Variants in KLHL13 observed in about 807,000 individuals in gnomAD.
The protein encoded by KLHL13 is kelch-like protein 13.
KLHL13 carries 10 observed loss-of-function variants against 37.1 expected under a neutral mutation model. The ratio of observed to expected loss-of-function variants is 0.27; its 90% CI spans 0.17 to 0.46. The LOEUF (loss-of-function observed/expected upper bound fraction) is 0.46. Among genes scored for constraint, KLHL13 ranks in the 20% least tolerant of loss-of-function variants. The pLI, the probability that KLHL13 is intolerant of heterozygous loss-of-function variation, is 1.00. For missense variants in KLHL13, 360 were observed against 509.3 expected, an observed-to-expected ratio of 0.71 and a Z score of 2.82; for synonymous variants, 163 against 181.2, an observed-to-expected ratio of 0.90 and a Z score of 0.81.
At chrX:117,940,303 A>C (rs995437069) in intron 2 of KLHL13, among the ~76,000 whole-genome samples, 4 of 110,883 alleles carry the variant, frequency 3.6e-5, no homozygotes, top group Non-Finnish European at 7.6e-5. Flanking sequence ...TTGTCTATAT[A>C]TCTGTTTTGG....
At chrX:118,046,437 A>C (rs1411841176) in intron 1 of KLHL13, among the ~76,000 whole-genome samples, 1 of 112,191 alleles carries the variant, frequency 8.9e-6, no homozygotes, top group Admixed American at 9.5e-5. Context: ...AATGAGTACA[A>C]AACTACAGTT....
chrX:118,085,678 ATAT>A (rs1196161483), intron 1 of KLHL13, among the ~76,000 whole-genome samples: 2 of 110,260 alleles, frequency 1.8e-5, no homozygotes, highest in African/African-American at 3.3e-5. Flanking sequence ...CAGTGAGAAC[ATAT>A]TATATTTGCT....
At chrX:117,905,538 C>G (rs1478141063) in intron 5 of KLHL13, among the ~76,000 whole-genome samples, 1 of 111,376 alleles carries the variant, frequency 9.0e-6, no homozygotes, top group Non-Finnish European at 1.9e-5. Context: ...CACACACAGT[C>G]TTTTTTTGAT....
At chrX:117,945,619 G>T (rs764350773) in intron 1 of KLHL13, 44 bp from the exon 3 acceptor site, 5 of 1,084,870 alleles carry the variant, frequency 4.6e-6, no homozygotes, top group Non-Finnish European at 5.0e-6. Flanking sequence ...ATTAAAACTT[G>T]TACAATTTAC....
intron 1 of KLHL13, among the ~76,000 whole-genome samples, chrX:118,038,088 T>C (rs764133416): frequency 1.8e-5 from 2 of 112,429 alleles, no homozygotes; most frequent in Admixed American, 1.9e-4. Context: ...TTATGTACCA[T>C]AGGACACACC....
At chrX:118,061,095 G>C (rs1325170199) in intron 1 of KLHL13, among the ~76,000 whole-genome samples, 5 of 111,661 alleles carry the variant, frequency 4.5e-5, no homozygotes, top group Non-Finnish European at 7.5e-5. Flanking sequence ...ATCCACAACA[G>C]TCACACTGAA....
At chrX:118,042,537 A>G (rs192413679) in intron 1 of KLHL13, among the ~76,000 whole-genome samples, 1 of 112,067 alleles carries the variant, frequency 8.9e-6, no homozygotes, top group African/African-American at 3.2e-5. Context: ...ATAACTAGAA[A>G]TCAATAACAA....
intron 1 of KLHL13, among the ~76,000 whole-genome samples, chrX:118,037,516 T>C (rs1311619976): frequency 9.6e-6 from 1 of 104,252 alleles, no homozygotes; most frequent in Admixed American, 1.1e-4. Flanking sequence ...ACACCGCTTA[T>C]TCTCACTCAT....
At chrX:117,944,162 T>A (rs946702679) in intron 2 of KLHL13, among the ~76,000 whole-genome samples, 3 of 110,774 alleles carry the variant, frequency 2.7e-5, no homozygotes, top group Non-Finnish European at 5.7e-5. Flanking sequence ...GGGGGCTCAG[T>A]TGGAAATGCA....
intron 1 of KLHL13, among the ~76,000 whole-genome samples, chrX:118,055,671 A>C (rs2054677088): frequency 8.9e-6 from 1 of 111,919 alleles, no homozygotes; most frequent in South Asian, 3.7e-4. Context: ...AAATCCCAGC[A>C]ACTCAGGAGG....
At chrX:118,076,708 T>C (rs140715626) in intron 1 of KLHL13, among the ~76,000 whole-genome samples, 2,696 of 111,355 alleles carry the variant, frequency 0.024, 79 homozygotes, top group African/African-American at 0.083. Context: ...AAGGCCTTAA[T>C]AGAAAAATGA....
At chrX:118,103,013 A>G (rs2055307438) in intron 1 of KLHL13, among the ~76,000 whole-genome samples, 2 of 112,231 alleles carry the variant, frequency 1.8e-5, no homozygotes, top group African/African-American at 6.5e-5. Context: ...CTTGTCTTAA[A>G]TGAACAGGTT....
At chrX:118,072,325 C>T (rs1294282060) in intron 1 of KLHL13, among the ~76,000 whole-genome samples, 2 of 112,950 alleles carry the variant, frequency 1.8e-5, no homozygotes, top group African/African-American at 3.2e-5. Context: ...ATACAAAAAT[C>T]AATTCAAGAT....
At position 118,032,419 on chromosome X, in the gene KLHL13, G is replaced by A. The variant is rs769892652; in HGVS notation, c.-56+84089C>T. ...GAGAACGGGCAGACTGCCTCTTCAA[G>A]TGGGTCCCTGACCCCTGACCCCCAA... is the stretch of plus-strand genomic sequence containing the variant. On this transcript the variant is annotated intron_variant, in intron 1 of 6. Transcript: ENST00000371882. Among the ~76,000 whole-genome samples, 4 of 112,015 alleles carry A rather than the reference G, an allele frequency of 3.6e-5. No individual in the cohort carries two copies. The East Asian group carries it at 8.5e-4, about 24-fold the overall frequency.
At chrX:117,949,759 C>T (rs751143405) in intron 1 of KLHL13, among the ~76,000 whole-genome samples, 1 of 112,026 alleles carries the variant, frequency 8.9e-6, no homozygotes, top group Admixed American at 9.5e-5. Context: ...TATACAGAAA[C>T]CCAGGTGTGG....
chrX:117,982,596 T>A (rs766669949), intron 1 of KLHL13, among the ~76,000 whole-genome samples: 5 of 111,970 alleles, frequency 4.5e-5, no homozygotes, highest in Non-Finnish European at 7.5e-5. Flanking sequence ...GTTCTTTACC[T>A]TTAAGGCAGA....
intron 2 of KLHL13, among the ~76,000 whole-genome samples, chrX:117,934,231 G>T (rs529601048): frequency 7.2e-5 from 8 of 110,537 alleles, no homozygotes; most frequent in African/African-American, 2.6e-4. Context: ...CCAAACCTCA[G>T]CATCACACAG....
At chrX:117,973,730 G>A in exon 1 of KLHL13, 1 of 795,660 alleles carries the variant, frequency 1.3e-6, no homozygotes, top group South Asian at 5.5e-5. Flanking sequence ...AGAGTAGCAT[G>A]CTCTTAATAG....
At chrX:118,062,143 A>T (rs2054749267) in intron 1 of KLHL13, among the ~76,000 whole-genome samples, 1 of 111,280 alleles carries the variant, frequency 9.0e-6, no homozygotes, top group Admixed American at 9.6e-5. Context: ...GTATTTCAAA[A>T]TAGGAAATAT....
Sources: gnomAD v4.1 joint callset for allele counts (sites outside exome capture counted in the v4.1 genomes callset) on GRCh38, gnomAD v4.1.1 for gene constraint, MANE v1.5 for transcripts, NCBI Gene and HGNC (gene_info 2026-07-23, HGNC 2026-07-21) for gene names.